The following ESR1 variants were observed in gnomAD, a reference collection of about 807,000 sequenced individuals.
The protein encoded by ESR1 is estrogen receptor.
ESR1 carries 12 observed loss-of-function variants against 52.7 expected under a neutral mutation model. The ratio of observed to expected loss-of-function variants is 0.23; its 90% CI spans 0.15 to 0.37. The LOEUF (loss-of-function observed/expected upper bound fraction) is 0.37. Ranked by LOEUF, ESR1 falls within the 10% of genes least tolerant of loss-of-function variation. The pLI is 1.00. For missense variants in ESR1, 584 were observed against 779.7 expected, an observed-to-expected ratio of 0.75 and a Z score of 2.99; for synonymous variants, 305 against 316.8, an observed-to-expected ratio of 0.96 and a Z score of 0.39.
chr6:152,129,353 G>A (rs1327494480), exon 7 of ESR1: 2 of 152,130 alleles, frequency 1.3e-5, no homozygotes, highest in Non-Finnish European at 2.9e-5. Context: ...AATGCTGTGG[G>A]GATATTCTTC....
chr6:151,682,305 C>T (rs114048146), intron 1 of ESR1, among the ~76,000 whole-genome samples: 1,950 of 152,252 alleles, frequency 0.013, 50 homozygotes, highest in African/African-American at 0.044. Context: ...CTCAGGTTGG[C>T]TTTCCCATCT....
At chr6:152,050,110 A>G (rs778852074) in intron 5 of ESR1, among the ~76,000 whole-genome samples, 2 of 152,246 alleles carry the variant, frequency 1.3e-5, no homozygotes, top group Non-Finnish European at 2.9e-5. Context: ...CAATAATAGC[A>G]ACAAAGTGAA....
At chr6:152,105,426 A>ATTT (rs10717810), downstream of ESR1, among the ~76,000 whole-genome samples, 1 of 138,220 alleles carries the variant, frequency 7.2e-6, no homozygotes. Context: ...TCCTCTGTTA[A>ATTT]TTTTTTTTTT....
At position 151,807,709 on chromosome 6, in the gene ESR1, C is replaced by A; in HGVS notation, c.-204C>A. On this transcript the variant is annotated 5_prime_UTR_variant, in exon 1 of 8. The change creates a new upstream start codon in the 5' untranslated region. Coordinates refer to ENST00000206249, the MANE Select transcript of ESR1 (RefSeq NM_000125.4). The stretch of plus-strand genomic sequence containing the variant: ...CTGGCGGAGGGCGTTCGTCCTGGGA[C>A]TGCACTTGCTCCCGTCGGGTCGCCC... 1.6e-6 allele frequency: 1 copy of A among 642,254 alleles called. No homozygotes were observed. The highest frequency in any genetic ancestry group is 2.8e-6 in the Non-Finnish European group (1 of 357,526). The allele number at this position is 642,254 out of a possible 1,614,324, so 39.8% of individuals were successfully genotyped here.
At chr6:151,844,127 AT>A (rs952939135) in intron 2 of ESR1, among the ~76,000 whole-genome samples, 1 of 151,292 alleles carries the variant, frequency 6.6e-6, no homozygotes, top group Non-Finnish European at 1.5e-5. Context: ...TAAATTCTAA[AT>A]GTAAGTTAAT....
At chr6:151,816,424 G>A (rs906432206) in intron 1 of ESR1, among the ~76,000 whole-genome samples, 7 of 152,166 alleles carry the variant, frequency 4.6e-5, no homozygotes, top group Non-Finnish European at 7.3e-5. Context: ...AAGCTACATC[G>A]TTTGGATGAT....
chr6:151,964,795 C>T (rs1434908993), intron 4 of ESR1, among the ~76,000 whole-genome samples: 1 of 152,094 alleles, frequency 6.6e-6, no homozygotes, highest in Non-Finnish European at 1.5e-5. Context: ...GTGCCCGCCA[C>T]CACGCCCAGC....
At chr6:152,126,945 C>T (rs896855824) in exon 7 of ESR1, 2 of 152,194 alleles carry the variant, frequency 1.3e-5, no homozygotes, top group African/African-American at 4.8e-5. Flanking sequence ...TTTCGGCTAA[C>T]ACTGGCAGTA....
At chr6:151,898,088 T>C (rs1050225176) in intron 3 of ESR1, among the ~76,000 whole-genome samples, 5 of 152,222 alleles carry the variant, frequency 3.3e-5, no homozygotes, top group Non-Finnish European at 7.3e-5. Flanking sequence ...TTTTCCTTTA[T>C]AGGTTACCTG....
At chr6:151,905,378 T>A (rs996453592) in intron 3 of ESR1, among the ~76,000 whole-genome samples, 3 of 152,218 alleles carry the variant, frequency 2.0e-5, no homozygotes, top group Non-Finnish European at 4.4e-5. Flanking sequence ...CAGAAGAGGA[T>A]ACAATATCCG....
intron 5 of ESR1, among the ~76,000 whole-genome samples, chr6:152,043,723 C>A (rs2045993256): frequency 1.3e-5 from 2 of 152,252 alleles, no homozygotes; most frequent in African/African-American, 2.4e-5. Flanking sequence ...TGCCTGTTTC[C>A]TCTGGTAAAA....
At chr6:151,680,550 G>C (rs1305617241) in intron 1 of ESR1, among the ~76,000 whole-genome samples, 2 of 152,080 alleles carry the variant, frequency 1.3e-5, no homozygotes, top group East Asian at 1.9e-4. Context: ...AGATCAAAGA[G>C]CTCTTTTGTT....
chr6:151,982,008 A>G lies in ESR1; in HGVS notation c.1097-29648A>G, dbSNP rs1238601296. ...TAAACTTGAATTTAAGATCACACAGATTCCTTTACACGTTACCAATGTAAT... is the reference window on the plus strand; with the variant it reads ...TAAACTTGAATTTAAGATCACACAGGTTCCTTTACACGTTACCAATGTAAT... On this transcript the variant is annotated intron_variant, in intron 4 of 7. Coordinates refer to ENST00000206249, the MANE Select transcript of ESR1 (RefSeq NM_000125.4). Among the ~76,000 whole-genome samples the G allele has an allele frequency of 2.0e-5, 3 of 152,368 alleles. No individual in the cohort carries two copies. In the South Asian group the frequency reaches 6.2e-4, roughly 32 times the overall value.
intron 4 of ESR1, among the ~76,000 whole-genome samples, chr6:151,995,029 C>T (rs2041352335): frequency 6.6e-6 from 1 of 152,074 alleles, no homozygotes; most frequent in Admixed American, 6.6e-5. Flanking sequence ...GTTTCTCAAA[C>T]CCAGCTGTGG....
intron 1 of ESR1, among the ~76,000 whole-genome samples, chr6:151,663,486 A>T (rs936383537): frequency 1.3e-5 from 2 of 152,144 alleles, no homozygotes; most frequent in African/African-American, 4.8e-5. Flanking sequence ...TTTTGTTTCA[A>T]TTTTTTTAAA....
At chr6:151,656,759 A>T (rs548615111) in exon 1 of ESR1, 1 of 152,292 alleles carries the variant, frequency 6.6e-6, no homozygotes, top group South Asian at 2.1e-4. Context: ...TAGCTACCAA[A>T]GAAGGTAAGT....
chr6:151,996,334 C>T (rs543951257), intron 4 of ESR1, among the ~76,000 whole-genome samples: 2 of 152,260 alleles, frequency 1.3e-5, no homozygotes, highest in African/African-American at 4.8e-5. Flanking sequence ...AGGGGGACCT[C>T]CCACTGTCCT....
intron 4 of ESR1, among the ~76,000 whole-genome samples, chr6:151,967,954 A>G (rs182826144): frequency 3.3e-5 from 5 of 152,002 alleles, no homozygotes; most frequent in Admixed American, 1.3e-4. Context: ...GCTTTTTTTC[A>G]TATGTTTGTT....
At chr6:152,086,821 G>A (rs1166491698) in intron 6 of ESR1, among the ~76,000 whole-genome samples, 1 of 152,010 alleles carries the variant, frequency 6.6e-6, no homozygotes, top group East Asian at 1.9e-4. Flanking sequence ...GGACTTTGAT[G>A]AGTGTATGGT....
Sources: allele counts gnomAD v4.1 joint callset (sites outside exome capture counted in the v4.1 genomes callset), GRCh38; gene constraint gnomAD v4.1.1; transcripts MANE v1.5; gene names NCBI Gene and HGNC (gene_info 2026-07-23, HGNC 2026-07-21).